SUPT3H: variants seen among roughly 807,000 people sequenced by gnomAD.
SUPT3H encodes the protein SPT3 homolog, SAGA and STAGA complex component.
In SUPT3H, 44 loss-of-function variants were observed where a neutral mutation model predicts 44.3. The ratio of observed to expected loss-of-function variants is 0.99; its 90% CI spans 0.78 to 1.28. SUPT3H has a LOEUF of 1.28. SUPT3H is among the 50% of genes most tolerant of loss of function. The pLI, the probability that SUPT3H is intolerant of heterozygous loss-of-function variation, is 0.00. For synonymous variants in SUPT3H, 124 were observed against 125.6 expected (o/e 0.99, Z 0.09); for missense variants, 380 against 387.1 (o/e 0.98, Z 0.15).
chr6:45,085,879 C>T (rs1219070418), intron 3 of SUPT3H, among the ~76,000 whole-genome samples: 3 of 151,944 alleles, frequency 2.0e-5, no homozygotes, highest in South Asian at 2.1e-4. Flanking sequence ...TATAAAACAA[C>T]GGCTTATTAG....
chr6:44,819,339 T>TA (rs1299817166), intron 11 of SUPT3H, among the ~76,000 whole-genome samples: 2 of 152,148 alleles, frequency 1.3e-5, no homozygotes, highest in Non-Finnish European at 2.9e-5. Context: ...GGAATCATGT[T>TA]ACAAAGGAAC....
At chr6:44,952,400 T>C (rs1197591807) in intron 9 of SUPT3H, among the ~76,000 whole-genome samples, 1 of 152,220 alleles carries the variant, frequency 6.6e-6, no homozygotes, top group Non-Finnish European at 1.5e-5. Context: ...AACTACTTCT[T>C]AGAAATGATT....
chr6:44,901,812 A>G (rs147630999), intron 10 of SUPT3H, among the ~76,000 whole-genome samples: 3,804 of 152,262 alleles, frequency 0.025, 169 homozygotes, highest in African/African-American at 0.086. Flanking sequence ...CCATCAGACT[A>G]ACAGCTGATC....
intron 2 of SUPT3H, among the ~76,000 whole-genome samples, chr6:45,246,615 C>T (rs959873736): frequency 8.5e-5 from 13 of 152,188 alleles, no homozygotes; most frequent in African/African-American, 1.7e-4. Context: ...GAAAATAAGA[C>T]GCTATTACTT....
chr6:45,078,299 A>G (rs1477987586), intron 3 of SUPT3H, among the ~76,000 whole-genome samples: 2 of 152,156 alleles, frequency 1.3e-5, no homozygotes, highest in Admixed American at 6.5e-5. Flanking sequence ...AATACTCTCG[A>G]CTTTTCCACT....
chr6:44,904,178 C>A (rs1765594967), intron 10 of SUPT3H, among the ~76,000 whole-genome samples: 1 of 150,936 alleles, frequency 6.6e-6, no homozygotes, highest in African/African-American at 2.4e-5. Context: ...AAGTTCTGGC[C>A]AGGGAGAAGG....
chr6:45,328,338 CACAA>C (rs1786742321), intron 2 of SUPT3H: 3 of 1,376,988 alleles, frequency 2.2e-6, no homozygotes, highest in Non-Finnish European at 2.9e-6. Context: ...TCATTCGCCT[CACAA>C]ACAACCACAG....
rs562532613 is a variant in SUPT3H at position 44,892,186 on chromosome 6, C to G, written c.912+40467G>C. Among the ~76,000 whole-genome samples, 40 of 152,168 alleles carry G rather than the reference C, an allele frequency of 2.6e-4. No individual in the cohort carries two copies. In the South Asian group the frequency reaches 4.4e-3, roughly 17 times the overall value. ...CAAAATTCATATGTTGAACCCCTAA[C>G]CCCCAATGTGACTATATTTGGAGAC... On this transcript the variant is annotated intron_variant, in intron 10 of 10. Transcript: ENST00000371459.
intron 1 of SUPT3H, among the ~76,000 whole-genome samples, chr6:45,374,459 A>T (rs933468029): frequency 3.3e-5 from 5 of 152,216 alleles, no homozygotes; most frequent in African/African-American, 1.2e-4. Context: ...CCCAAATCAC[A>T]TGGTTAGGAA....
intron 1 of SUPT3H, among the ~76,000 whole-genome samples, chr6:45,370,469 C>A (rs1180664769): frequency 2.0e-5 from 3 of 151,898 alleles, no homozygotes; most frequent in Non-Finnish European, 4.4e-5. Flanking sequence ...TAAAAAGCTG[C>A]AGAAGCTTTG....
intron 10 of SUPT3H, among the ~76,000 whole-genome samples, chr6:44,920,401 A>G (rs998021676): frequency 6.6e-6 from 1 of 151,938 alleles, no homozygotes; most frequent in Non-Finnish European, 1.5e-5. Context: ...GTGAGACCCC[A>G]TCTCTCCAAA....
intron 2 of SUPT3H, among the ~76,000 whole-genome samples, chr6:45,122,521 T>C (rs1801822133): frequency 6.6e-6 from 1 of 152,284 alleles, no homozygotes; most frequent in Admixed American, 6.5e-5. Context: ...CAACAGACTT[T>C]GAAAGAATAC....
Position 44,812,720 on chromosome 6 carries a change from C to T in SUPT3H, c.*53-3219G>A, listed in dbSNP as rs139331006. ...AAAGTCAGGTTCTCTTTTTTTCTCA[C>T]GAAATTTGCCAATTAACTGTGAGAC... On this transcript the variant is annotated intron_variant and NMD_transcript_variant, in intron 11 of 11. Transcript: ENST00000475057. Among the ~76,000 whole-genome samples the T allele has an allele frequency of 7.2e-5, 11 of 152,116 alleles. No homozygotes were observed. The South Asian group carries it at 8.3e-4, about 11-fold the overall frequency.
chr6:45,025,398 C>A (rs1423921997), intron 3 of SUPT3H, among the ~76,000 whole-genome samples: 2 of 152,170 alleles, frequency 1.3e-5, no homozygotes, highest in Non-Finnish European at 2.9e-5. Context: ...GAACCATTGA[C>A]CCTGAACAGG....
At chr6:45,275,800 T>TA (rs1343043856) in intron 2 of SUPT3H, among the ~76,000 whole-genome samples, 1 of 152,102 alleles carries the variant, frequency 6.6e-6, no homozygotes, top group Non-Finnish European at 1.5e-5. Flanking sequence ...ATAAATTATT[T>TA]AAAAATAAAA....
At chr6:45,043,142 TACACACACACACACACACAC>T (rs59321114) in intron 3 of SUPT3H, among the ~76,000 whole-genome samples, 1 of 146,768 alleles carries the variant, frequency 6.8e-6, no homozygotes, top group Non-Finnish European at 1.5e-5. Context: ...CATACACACA[TACACACACACACACACACAC>T]ACACACACGC....
intron 6 of SUPT3H, among the ~76,000 whole-genome samples, chr6:44,979,654 T>C (rs529211781): frequency 2.2e-4 from 33 of 152,214 alleles, no homozygotes; most frequent in African/African-American, 7.2e-4. Context: ...CTTGACCCAT[T>C]AAAAGGTGAT....
chr6:45,322,778 G>A (rs540559695), intron 2 of SUPT3H: 9 of 816,088 alleles, frequency 1.1e-5, no homozygotes, highest in Non-Finnish European at 1.9e-5. Flanking sequence ...CTATTTTAAA[G>A]GCTGTGTGTG....
chr6:44,809,867 C>G (rs1364677896), intron 11 of SUPT3H, among the ~76,000 whole-genome samples: 1 of 152,122 alleles, frequency 6.6e-6, no homozygotes. Flanking sequence ...AAAGTTAAAG[C>G]AATTTCTCAA....
Sources: allele counts gnomAD v4.1 joint callset (sites outside exome capture counted in the v4.1 genomes callset), GRCh38; gene constraint gnomAD v4.1.1; transcripts MANE v1.5; gene names NCBI Gene and HGNC (gene_info 2026-07-23, HGNC 2026-07-21).